The following GARIN1A variants were observed in gnomAD, a reference collection of about 807,000 sequenced individuals.
GARIN1A encodes the protein Golgi-associated RAB2 interactor protein 1A.
chr7:128,677,632 C>T, the GARIN1A span: 1 of 1,613,506 alleles, frequency 6.2e-7, no homozygotes, highest in Non-Finnish European at 8.5e-7. Context: ...AGGGTTAGGA[C>T]AGTGACCGAA....
At chr7:128,680,661 T>A in the GARIN1A span, among the ~76,000 whole-genome samples, 2 of 151,306 alleles carry the variant, frequency 1.3e-5, no homozygotes, top group East Asian at 1.9e-4. Flanking sequence ...ACCTCCTGGG[T>A]TCAAGCGATT....
chr7:128,675,438 CA>C, the GARIN1A span, among the ~76,000 whole-genome samples: 4 of 109,068 alleles, frequency 3.7e-5, no homozygotes, highest in African/African-American at 1.3e-4. Context: ...TTAGATAAAA[CA>C]GTTATCTTTT....
At chr7:128,674,300 T>C in the GARIN1A span, among the ~76,000 whole-genome samples, 2 of 151,954 alleles carry the variant, frequency 1.3e-5, no homozygotes, top group African/African-American at 2.4e-5. Flanking sequence ...TAAAAAAAAA[T>C]TTTTGATAGA....
chr7:128,696,995 G>A, the GARIN1A span, among the ~76,000 whole-genome samples: 1 of 152,178 alleles, frequency 6.6e-6, no homozygotes, highest in Non-Finnish European at 1.5e-5. Context: ...AAGGGAAGAT[G>A]GTACTTTGGG....
the GARIN1A span, chr7:128,672,482 C>T: frequency 2.5e-6 from 4 of 1,609,082 alleles, no homozygotes; most frequent in Non-Finnish European, 2.5e-6. Context: ...CCTTCTTTGT[C>T]AACTGATTCA....
the GARIN1A span, chr7:128,683,089 A>G: frequency 3.7e-6 from 6 of 1,612,480 alleles, no homozygotes; most frequent in Non-Finnish European, 5.1e-6. Flanking sequence ...TGGGAACAAG[A>G]GGACTGGAAT....
At chr7:128,704,229 G>T in the GARIN1A span, among the ~76,000 whole-genome samples, 4 of 150,418 alleles carry the variant, frequency 2.7e-5, no homozygotes, top group African/African-American at 4.9e-5. Context: ...ATGGAGGGTG[G>T]GGGGGCGGGG....
chr7:128,677,592 C>T, the GARIN1A span: 14 of 1,611,302 alleles, frequency 8.7e-6, no homozygotes, highest in Admixed American at 1.7e-5. Context: ...CGTGGAGCTA[C>T]GAATCTACGA....
chr7:128,672,002 G>A, the GARIN1A span, among the ~76,000 whole-genome samples: 5 of 152,268 alleles, frequency 3.3e-5, no homozygotes, highest in Non-Finnish European at 5.9e-5. Flanking sequence ...GTATGTTCCC[G>A]AGAGCCTTCC....
chr7:128,689,487 A>G, the GARIN1A span, among the ~76,000 whole-genome samples: 2 of 126,596 alleles, frequency 1.6e-5, no homozygotes, highest in Non-Finnish European at 3.4e-5. Context: ...TGGCCGCCCC[A>G]TCTGAGAAGT....
the GARIN1A span, among the ~76,000 whole-genome samples, chr7:128,707,514 G>A: frequency 4.6e-5 from 7 of 152,086 alleles, no homozygotes; most frequent in Non-Finnish European, 8.8e-5. Flanking sequence ...ACCCAGGCTG[G>A]AGTACAGTGT....
chr7:128,692,611 A>G, the GARIN1A span, among the ~76,000 whole-genome samples: 1 of 152,256 alleles, frequency 6.6e-6, no homozygotes. Flanking sequence ...CATGGAATTC[A>G]GAGAAAAGAG....
the GARIN1A span, among the ~76,000 whole-genome samples, chr7:128,679,100 T>C: frequency 1.3e-5 from 2 of 151,372 alleles, no homozygotes; most frequent in African/African-American, 4.8e-5. Context: ...TTTATATATA[T>C]ATATATTAAT....
At chr7:128,692,812 G>A in the GARIN1A span, among the ~76,000 whole-genome samples, 325 of 152,316 alleles carry the variant, frequency 2.1e-3, 1 homozygote, top group African/African-American at 6.9e-3. Flanking sequence ...ATAGAAACGC[G>A]TGGTTCTGGG....
At chr7:128,704,878 A>G in the GARIN1A span, among the ~76,000 whole-genome samples, 1 of 152,226 alleles carries the variant, frequency 6.6e-6, no homozygotes, top group Admixed American at 6.5e-5. Flanking sequence ...TTCTTACACA[A>G]TATGGGTTAG....
At chr7:128,677,698 G>A in the GARIN1A span, 1 of 1,613,712 alleles carries the variant, frequency 6.2e-7, no homozygotes, top group Non-Finnish European at 8.5e-7. Context: ...TTTCAATTCT[G>A]GGTCCGCTTG....
chr7:128,704,619 G>A, the GARIN1A span, among the ~76,000 whole-genome samples: 176 of 152,224 alleles, frequency 1.2e-3, no homozygotes, highest in African/African-American at 4.2e-3. Flanking sequence ...GTCTTACAAG[G>A]AGCGTGCAAC....
chr7:128,705,908 G>A, the GARIN1A span, among the ~76,000 whole-genome samples: 173 of 152,042 alleles, frequency 1.1e-3, no homozygotes, highest in African/African-American at 4.1e-3. Context: ...ACCCACTTCG[G>A]TCTCCCAAAG....
chr7:128,691,941 C>A, the GARIN1A span, among the ~76,000 whole-genome samples: 1 of 152,210 alleles, frequency 6.6e-6, no homozygotes, highest in African/African-American at 2.4e-5. Flanking sequence ...GCAGGAACAT[C>A]ACTCATCTCC....
Sources: gnomAD v4.1 joint callset for allele counts (sites outside exome capture counted in the v4.1 genomes callset) on GRCh38, gnomAD v4.1.1 for gene constraint, MANE v1.5 for transcripts, NCBI Gene and HGNC (gene_info 2026-07-23, HGNC 2026-07-21) for gene names.